Variants in EPHA6 observed in about 807,000 individuals in gnomAD.
The protein encoded by EPHA6 is ephrin type-A receptor 6.
In EPHA6, 50 loss-of-function variants were observed where a neutral mutation model predicts 112.0. The ratio of observed to expected loss-of-function variants is 0.45; its 90% CI spans 0.36 to 0.56. The LOEUF (loss-of-function observed/expected upper bound fraction) is 0.56, where lower values mean the gene tolerates loss of function less well. Among genes scored for constraint, EPHA6 ranks in the 20% least tolerant of loss-of-function variants. The pLI is 0.00. For missense variants in EPHA6, 1,280 were observed against 1,417.4 expected (o/e 0.90, Z 1.56); for synonymous variants, 529 against 490.7 (o/e 1.08, Z -1.03).
chr3:96,824,557 A>T (rs1382506879), intron 1 of EPHA6, among the ~76,000 whole-genome samples: 1 of 152,040 alleles, frequency 6.6e-6, no homozygotes, highest in Admixed American at 6.6e-5. Context: ...AAATATTTTG[A>T]CACCTATTAT....
chr3:96,958,209 G>A (rs536676076), intron 2 of EPHA6, among the ~76,000 whole-genome samples: 1 of 151,586 alleles, frequency 6.6e-6, no homozygotes, highest in East Asian at 2.0e-4. Context: ...AGAATCACTT[G>A]AACCCGGGAG....
At chr3:97,732,392 G>T (rs1345381374) in intron 15 of EPHA6, among the ~76,000 whole-genome samples, 1 of 151,776 alleles carries the variant, frequency 6.6e-6, no homozygotes, top group Non-Finnish European at 1.5e-5. Context: ...GTTCTATGTG[G>T]CACTTCCCAT....
At chr3:96,903,834 C>T (rs1409226284) in intron 2 of EPHA6, among the ~76,000 whole-genome samples, 3 of 152,094 alleles carry the variant, frequency 2.0e-5, no homozygotes, top group Non-Finnish European at 2.9e-5. Flanking sequence ...GACATTTATG[C>T]AGCCAAAAGA....
rs560048498 is a variant in EPHA6, at chr3:97,604,097, G to A, written c.2513-6696G>A. ...CTTTTCATCTCACCACCCTAAGGAG[G>A]AGGCTATAATAATATACCTATATAT... On this transcript the variant is annotated intron_variant, in intron 12 of 17. Coordinates refer to ENST00000389672, the MANE Select transcript of EPHA6 (RefSeq NM_001080448.3). 4.0e-5 allele frequency among the ~76,000 whole-genome samples: 6 copies of A among 151,818 alleles called. No individual in the cohort carries two copies. The East Asian group carries it at 7.7e-4, about 20-fold the overall frequency.
At chr3:97,214,363 T>A (rs1342101580) in intron 3 of EPHA6, among the ~76,000 whole-genome samples, 1 of 151,588 alleles carries the variant, frequency 6.6e-6, no homozygotes, top group Non-Finnish European at 1.5e-5. Flanking sequence ...ACAGTAGCCA[T>A]CCTCTGAAGA....
At chr3:96,953,064 A>AG (rs1255193363) in intron 2 of EPHA6, among the ~76,000 whole-genome samples, 4 of 152,196 alleles carry the variant, frequency 2.6e-5, no homozygotes, top group African/African-American at 9.6e-5. Flanking sequence ...TAACCAAAAA[A>AG]GAACAATATT....
In EPHA6 at chr3:97,479,279, TA is replaced by T. The variant is rs1159575598; in HGVS notation, c.2004-13del. On this transcript the variant is annotated splice_polypyrimidine_tract_variant and intron_variant, in intron 8 of 17. Coordinates refer to ENST00000389672, the MANE Select transcript of EPHA6 (RefSeq NM_001080448.3). ...ACTTCTTAAAACAAGTTTTTTTTTT[TA>T]ATCTTTTTAAAAGATGTCAGTGGTA... 6.5e-7 allele frequency: 1 copy of T among 1,547,504 alleles called. No homozygotes were observed. The highest frequency in any genetic ancestry group is 8.7e-7 in the Non-Finnish European group (1 of 1,148,496).
intron 3 of EPHA6, among the ~76,000 whole-genome samples, chr3:97,131,596 G>A (rs568848684): frequency 1.3e-5 from 2 of 152,146 alleles, no homozygotes; most frequent in African/African-American, 2.4e-5. Flanking sequence ...TTCCAAGAAA[G>A]GATAATTATG....
intron 2 of EPHA6, among the ~76,000 whole-genome samples, chr3:96,917,437 AAAG>A (rs2039542083): frequency 6.6e-6 from 1 of 151,512 alleles, no homozygotes; most frequent in African/African-American, 2.4e-5. Flanking sequence ...AAAAAAAAAA[AAAG>A]AATTTTTTTT....
Position 97,226,322 on chromosome 3 carries a change from T to A in EPHA6, c.1173T>A (p.Pro391=). ...FAGNTKCSKC[P]PHSLTYMEAT... The stretch of plus-strand genomic sequence containing the variant: ...GGAACACAAAATGTTCTAAATGTCC[T>A]CCACACAGTTTAACATACATGGAAG... The change falls in exon 4 of 18, where the codon CCT becomes CCA. Residue 391 remains proline (P), a synonymous_variant. Transcript: ENST00000389672. The A allele has an allele frequency of 6.2e-7, 1 of 1,613,712 alleles. No individual in the cohort carries two copies.
At chr3:97,031,408 A>T (rs1309362345) in intron 3 of EPHA6, among the ~76,000 whole-genome samples, 2 of 152,100 alleles carry the variant, frequency 1.3e-5, no homozygotes, top group Non-Finnish European at 2.9e-5. Flanking sequence ...TGTCTAAAAC[A>T]CCAAAAGCAA....
At chr3:97,154,791 G>A (rs1388337764) in intron 3 of EPHA6, among the ~76,000 whole-genome samples, 2 of 152,012 alleles carry the variant, frequency 1.3e-5, no homozygotes, top group African/African-American at 4.8e-5. Flanking sequence ...ACCCTCATTT[G>A]TGCCCTCTAG....
chr3:97,306,022 A>G (rs1452963825), intron 5 of EPHA6, among the ~76,000 whole-genome samples: 1 of 151,922 alleles, frequency 6.6e-6, no homozygotes, highest in African/African-American at 2.4e-5. Flanking sequence ...GTATAAGGGA[A>G]TATATGGACA....
intron 5 of EPHA6, among the ~76,000 whole-genome samples, chr3:97,374,792 G>A (rs913875660): frequency 6.6e-6 from 1 of 152,008 alleles, no homozygotes; most frequent in African/African-American, 2.4e-5. Flanking sequence ...GATGCAGCTG[G>A]AGGCCATTAT....
chr3:97,428,387 T>C (rs2089294889), intron 6 of EPHA6, among the ~76,000 whole-genome samples: 1 of 152,166 alleles, frequency 6.6e-6, no homozygotes, highest in South Asian at 2.1e-4. Context: ...ACTATATTAA[T>C]GTACAATATT....
chr3:97,233,796 A>G (rs2078602788), intron 4 of EPHA6, among the ~76,000 whole-genome samples: 1 of 152,176 alleles, frequency 6.6e-6, no homozygotes, highest in Non-Finnish European at 1.5e-5. Context: ...CAAGTATGTG[A>G]TGAAACCATT....
intron 3 of EPHA6, among the ~76,000 whole-genome samples, chr3:97,119,313 C>A (rs1221197417): frequency 6.6e-6 from 1 of 152,026 alleles, no homozygotes; most frequent in East Asian, 1.9e-4. Flanking sequence ...ATGGATATTT[C>A]TCTAGGTGCG....
intron 3 of EPHA6, among the ~76,000 whole-genome samples, chr3:97,083,544 A>G (rs2046792023): frequency 6.6e-6 from 1 of 151,696 alleles, no homozygotes. Context: ...TTCTATTTCC[A>G]CCTACCTTTC....
chr3:97,381,343 T>C (rs1423065548), intron 5 of EPHA6, among the ~76,000 whole-genome samples: 1 of 152,140 alleles, frequency 6.6e-6, no homozygotes, highest in Non-Finnish European at 1.5e-5. Context: ...TTAACTTCAC[T>C]GAAGTCACTA....
Sources: allele counts gnomAD v4.1 joint callset (sites outside exome capture counted in the v4.1 genomes callset), GRCh38; gene constraint gnomAD v4.1.1; transcripts MANE v1.5; gene names NCBI Gene and HGNC (gene_info 2026-07-23, HGNC 2026-07-21).